KIF1B: variants seen among roughly 807,000 people sequenced by gnomAD.
KIF1B encodes kinesin family member 1B.
In KIF1B, 76 loss-of-function variants were observed where a neutral mutation model predicts 241.9. The ratio of observed to expected loss-of-function variants is 0.31; its 90% confidence interval spans 0.26 to 0.38. The LOEUF is 0.38. Among genes scored for constraint, KIF1B ranks in the 10% least tolerant of loss-of-function variants. KIF1B has a pLI of 1.00. For missense variants in KIF1B, 1,622 were observed against 2,271.4 expected, an observed-to-expected ratio of 0.71 and a Z score of 5.81; for synonymous variants, 750 against 796.7, an observed-to-expected ratio of 0.94 and a Z score of 0.99.
rs182592193 is a variant in KIF1B, at chr1:10,352,488, C to T, written c.3950-143C>T. On this transcript the variant is annotated intron_variant, in intron 37 of 48. Transcript: ENST00000676179. ...CAATGTGGGAAGTAATGGAGTCAGA[C>T]CGTGGAGGACCCTACAGGTAACCAA... 3 of 683,540 alleles carry T rather than the reference C, an allele frequency of 4.4e-6. No homozygotes were observed. In the African/African-American group the frequency reaches 5.3e-5, roughly 12 times the overall value. 42.3% of individuals were successfully genotyped at this position (683,540 alleles called of 1,614,324 possible). A position where few individuals can be genotyped will look rare whatever the true frequency, so the allele number is the denominator to read the frequency against.
intron 22 of KIF1B, among the ~76,000 whole-genome samples, chr1:10,310,416 A>T (rs774620919): frequency 9.2e-5 from 14 of 151,552 alleles, no homozygotes; most frequent in African/African-American, 2.4e-5. Flanking sequence ...CTAGATAGTA[A>T]ATATTTTAGA....
At chr1:10,366,903 G>A (rs1307982317) in intron 43 of KIF1B, among the ~76,000 whole-genome samples, 7 of 151,662 alleles carry the variant, frequency 4.6e-5, no homozygotes, top group African/African-American at 1.7e-4. Context: ...CCCAGGTGGC[G>A]GAGGCTGCAG....
chr1:10,252,990 A>G (rs1210854510), intron 2 of KIF1B, among the ~76,000 whole-genome samples: 1 of 152,038 alleles, frequency 6.6e-6, no homozygotes, highest in African/African-American at 2.4e-5. Context: ...CTCCCAAAGT[A>G]CTGGGATTAC....
At position 10,326,979 on chromosome 1, in the gene KIF1B, G is replaced by A. The variant is rs1651746884; in HGVS notation, c.2924+620G>A. Among the ~76,000 whole-genome samples the A allele has an allele frequency of 6.6e-6, 1 of 152,124 alleles. No individual in the cohort carries two copies. Among genetic ancestry groups the A allele is most frequent in the Admixed American group, 6.5e-5 (1 of 15,278 alleles). ...CACTGAGCCTATCTACGGATCTTTG[G>A]CATCTGCTAAAATTTTAACCTATAG... On this transcript the variant is annotated intron_variant, in intron 27 of 48. Transcript: ENST00000676179. This position sits in a 1 kb window ranked among gnomAD's most constrained non-coding sequence, Gnocchi z 5.2.
intron 27 of KIF1B, among the ~76,000 whole-genome samples, chr1:10,329,079 A>G (rs1353897012): frequency 6.6e-6 from 1 of 152,208 alleles, no homozygotes; most frequent in African/African-American, 2.4e-5. Context: ...ATCATGTCAG[A>G]TGTAAGTATA....
chr1:10,233,900 G>A (rs889100211), intron 2 of KIF1B, among the ~76,000 whole-genome samples: 1 of 151,658 alleles, frequency 6.6e-6, no homozygotes, highest in Non-Finnish European at 1.5e-5. Flanking sequence ...CCTCGGCCTC[G>A]CAAAGTGCTG....
chr1:10,356,604 AAAG>A (rs1349522309), intron 38 of KIF1B, among the ~76,000 whole-genome samples: 1 of 151,642 alleles, frequency 6.6e-6, no homozygotes, highest in Admixed American at 6.6e-5. Flanking sequence ...TGCTTTAAAA[AAAG>A]AAAAAAAAAT....
intron 2 of KIF1B, among the ~76,000 whole-genome samples, chr1:10,249,774 G>A (rs1258398580): frequency 3.3e-5 from 5 of 152,108 alleles, no homozygotes; most frequent in Non-Finnish European, 5.9e-5. Context: ...ATGGTGGCAC[G>A]TGCCTGTGGT....
At chr1:10,248,745 ATGG>A (rs113507255) in intron 2 of KIF1B, among the ~76,000 whole-genome samples, 5,511 of 152,206 alleles carry the variant, frequency 0.036, 343 homozygotes, top group African/African-American at 0.12. Flanking sequence ...GGTGGTCACG[ATGG>A]TGGTGGGGAG....
chr1:10,326,635 G>T lies in KIF1B; in HGVS notation c.2924+276G>T, dbSNP rs544295862. 1.3e-5 allele frequency among the ~76,000 whole-genome samples: 2 copies of T among 152,312 alleles called. No individual in the cohort carries two copies. The highest frequency in any genetic ancestry group is 3.9e-4 in the East Asian group (2 of 5,194). ...TTGTCTTAAATTGCCCAGTAATTTT[G>T]TTCTGAAGAAGGGAACCCCAAAGGA... On this transcript the variant is annotated intron_variant, in intron 27 of 48. Transcript: ENST00000676179. This position sits in a 1 kb window ranked among gnomAD's most constrained non-coding sequence, Gnocchi z 5.2.
intron 19 of KIF1B, among the ~76,000 whole-genome samples, 159 bp from the exon 20 acceptor site, chr1:10,296,423 C>T (rs1459712367): frequency 6.6e-6 from 1 of 152,120 alleles, no homozygotes; most frequent in Non-Finnish European, 1.5e-5. Flanking sequence ...GGGGCTAGTT[C>T]TGGTACCCCA....
At chr1:10,244,644 G>C (rs868185976) in intron 2 of KIF1B, among the ~76,000 whole-genome samples, 1 of 100,832 alleles carries the variant, frequency 9.9e-6, no homozygotes, top group Non-Finnish European at 2.0e-5. Flanking sequence ...ACGGAGTCTT[G>C]CTCTGTCGCC....
chr1:10,256,775 C>A (rs1647810866), intron 3 of KIF1B, among the ~76,000 whole-genome samples: 1 of 151,482 alleles, frequency 6.6e-6, no homozygotes, highest in African/African-American at 2.4e-5. Context: ...ACAGTGGTGC[C>A]ATCTTGGCTC....
At chr1:10,253,224 C>G (rs1022428333) in intron 2 of KIF1B, among the ~76,000 whole-genome samples, 2 of 152,154 alleles carry the variant, frequency 1.3e-5, no homozygotes, top group Non-Finnish European at 2.9e-5. Flanking sequence ...AAATTGCATC[C>G]TGAATCTGCC....
intron 1 of KIF1B, among the ~76,000 whole-genome samples, chr1:10,223,219 C>T (rs1034789901): frequency 6.6e-6 from 1 of 151,948 alleles, no homozygotes; most frequent in African/African-American, 2.4e-5. Flanking sequence ...TATTGCACTT[C>T]ATCTAGCCTG....
intron 3 of KIF1B, among the ~76,000 whole-genome samples, chr1:10,256,845 G>A (rs1056124352): frequency 6.6e-6 from 1 of 152,128 alleles, no homozygotes; most frequent in South Asian, 2.1e-4. Context: ...CCGAGTAGCT[G>A]GGATTACAGG....
chr1:10,378,010 G>A lies in KIF1B; in HGVS notation c.*1423G>A, dbSNP rs1213532548. ...AGCTCCCTTTGATCAAAGAAATATA[G>A]CTTTCAGGCATAAACCTGGAAGTCT... On this transcript the variant is annotated 3_prime_UTR_variant, in exon 49 of 49. Coordinates refer to ENST00000676179, the MANE Select transcript of KIF1B (RefSeq NM_001365951.3). 6.1e-6 allele frequency: 2 copies of A among 328,384 alleles called. No individual in the cohort carries two copies. Among genetic ancestry groups the A allele is most frequent in the Non-Finnish European group, 1.1e-5 (2 of 177,358 alleles). The allele number at this position is 328,384 out of a possible 1,614,324, so 20.3% of individuals were successfully genotyped here.
intron 7 of KIF1B, 126 bp from the exon 8 acceptor site, chr1:10,271,376 T>G (rs1457466973): frequency 2.6e-6 from 2 of 770,260 alleles, no homozygotes; most frequent in Non-Finnish European, 4.7e-6. Context: ...TGTGCCATAT[T>G]TAAAAGCTCT....
Position 10,279,323 on chromosome 1 carries a change from A to G in KIF1B, c.1222+185A>G, listed in dbSNP as rs542303260. 2.6e-5 allele frequency among the ~76,000 whole-genome samples: 4 copies of G among 152,312 alleles called. No homozygotes were observed. In the South Asian group the frequency reaches 8.3e-4, roughly 32 times the overall value. The stretch of plus-strand genomic sequence containing the variant: ...TCATTTAGCAAACTAATCTTTGCTG[A>G]ATTTCAGTTTGTGGCTTGAGTGAAG... On this transcript the variant is annotated intron_variant, in intron 14 of 48. Transcript: ENST00000676179.
Sources: allele counts gnomAD v4.1 joint callset (sites outside exome capture counted in the v4.1 genomes callset), GRCh38; gene constraint gnomAD v4.1.1; non-coding constraint Gnocchi (gnomAD v3.1); transcripts MANE v1.5; gene names NCBI Gene and HGNC (gene_info 2026-07-23, HGNC 2026-07-21).